Variants in SMARCC2 observed in about 807,000 individuals in gnomAD.
SMARCC2 encodes the protein SWI/SNF related BAF chromatin remodeling complex subunit C2, also known as SWI/SNF complex subunit SMARCC2.
Under a neutral mutation model 151.3 loss-of-function variants are expected in SMARCC2, and 15 were observed. The ratio of observed to expected loss-of-function variants is 0.10; its 90% CI spans 0.07 to 0.15. The LOEUF is 0.15. Ranked by LOEUF, SMARCC2 falls within the 10% of genes least tolerant of loss-of-function variation. SMARCC2 has a pLI of 1.00. For missense variants in SMARCC2, 1,031 were observed against 1,599.7 expected, an observed-to-expected ratio of 0.64 and a Z score of 6.06; for synonymous variants, 590 against 609.5, an observed-to-expected ratio of 0.97 and a Z score of 0.47.
At chr12:56,188,056 C>T (rs1245035148) in intron 1 of SMARCC2, among the ~76,000 whole-genome samples, 1 of 152,138 alleles carries the variant, frequency 6.6e-6, no homozygotes, top group East Asian at 1.9e-4. Context: ...GTTTTCTCCC[C>T]ACTCATCACA....
intron 11 of SMARCC2, among the ~76,000 whole-genome samples, chr12:56,180,657 G>C (rs1876024729): frequency 6.6e-6 from 1 of 151,946 alleles, no homozygotes; most frequent in Non-Finnish European, 1.5e-5. Context: ...GCCCGCCTCG[G>C]CCTCCCAAAA....
Position 56,169,796 on chromosome 12 carries a change from T to C in SMARCC2, c.2528A>G (p.Lys843Arg). ...KEGDSEKESE[K>R]SDGDPIVDPE... ...CTCACCTATTGGGTCTCCATCACTCTTCTCGGACTCCTTCTCACTGTCGCC... is the reference window on the plus strand; with the variant it reads ...CTCACCTATTGGGTCTCCATCACTCCTCTCGGACTCCTTCTCACTGTCGCC... The change falls in exon 24 of 29, where the codon AAG becomes AGG. Residue 843 changes from lysine to arginine, a missense_variant. Physicochemically the swap from Lys to Arg is conservative, Grantham distance 26 (BLOSUM62 2). This residue lies in a region of SMARCC2 where 119 missense variants were observed against 184.2 expected (regional missense o/e 0.65). Coordinates refer to ENST00000550164, the MANE Select transcript of SMARCC2 (RefSeq NM_001330288.2). 6.2e-7 allele frequency: 1 copy of C among 1,614,172 alleles called. No individual in the cohort carries two copies. The highest frequency in any genetic ancestry group is 8.5e-7 in the Non-Finnish European group (1 of 1,180,012).
chr12:56,170,618 G>A (rs558702829), intron 22 of SMARCC2, among the ~76,000 whole-genome samples: 2 of 151,652 alleles, frequency 1.3e-5, no homozygotes, highest in African/African-American at 4.8e-5. Flanking sequence ...TTGTAGAGAC[G>A]GGATTTTGCC....
At chr12:56,188,265 G>A (rs902670734) in intron 1 of SMARCC2, among the ~76,000 whole-genome samples, 1 of 152,186 alleles carries the variant, frequency 6.6e-6, no homozygotes, top group Non-Finnish European at 1.5e-5. Context: ...TCTCACAGGC[G>A]TAGAGACATG....
chr12:56,184,874 C>T lies in SMARCC2; in HGVS notation c.462G>A (p.Gly154=), dbSNP rs1413994688. The change falls in exon 5 of 29, where the codon GGG becomes GGA. Residue 154 remains glycine (G), a synonymous_variant. Transcript: ENST00000550164. ...LCPEIEPKLL[G]KLKDIIKRHQ... is the part of the protein sequence containing the mutation. ...GTCTCTTGATAATGTCCTTTAATTTCCCTAGTAGTTTGGGCTCAATTTCTG... is the reference window on the plus strand; with the variant it reads ...GTCTCTTGATAATGTCCTTTAATTTTCCTAGTAGTTTGGGCTCAATTTCTG... The T allele has an allele frequency of 6.2e-7, 1 of 1,612,102 alleles. No homozygotes were observed. The highest frequency in any genetic ancestry group is 2.2e-5 in the East Asian group (1 of 44,880).
chr12:56,164,173 T>G (rs1340472361), intron 28 of SMARCC2, 130 bp downstream of exon 28: 2 of 849,432 alleles, frequency 2.4e-6, no homozygotes, highest in Non-Finnish European at 3.6e-6. Flanking sequence ...TCCTGTATTC[T>G]AATTTTACCA....
chr12:56,187,035 C>T (rs1296551166), intron 2 of SMARCC2, 152 bp downstream of exon 2: 1 of 669,360 alleles, frequency 1.5e-6, no homozygotes, highest in Non-Finnish European at 2.4e-6. Context: ...CTAGGCCAAG[C>T]CAATAATGCC....
rs1872631725 is a variant in SMARCC2, at chr12:56,165,583, C to T, written c.2967G>A (p.Gln989=). The T allele has an allele frequency of 6.2e-7, 1 of 1,613,716 alleles. No individual in the cohort carries two copies. Among genetic ancestry groups the T allele is most frequent in the Non-Finnish European group, 8.5e-7 (1 of 1,180,016 alleles). ...QQHFQQMHQQ[Q]QQPPPALPPG... ...GGGGCAGGGCTGGTGGTGGCTGCTG[C>T]TGCTGTTGGTGCATCTGTTGGAAGT... The change falls in exon 27 of 29, where the codon CAG becomes CAA. Residue 989 remains glutamine, a synonymous_variant. Coordinates refer to ENST00000550164, the MANE Select transcript of SMARCC2 (RefSeq NM_001330288.2).
At position 56,170,147 on chromosome 12, in the gene SMARCC2, G is replaced by A. The variant is rs1485427315; in HGVS notation, c.2409C>T (p.Pro803=). 5 of 1,612,472 alleles carry A rather than the reference G, an allele frequency of 3.1e-6. No individual in the cohort carries two copies. In the South Asian group the frequency reaches 4.4e-5, roughly 14 times the overall value. Residue 803 remains proline (P), a synonymous_variant, in exon 23 of 29, where the codon CCC becomes CCT. Coordinates refer to ENST00000550164, the MANE Select transcript of SMARCC2 (RefSeq NM_001330288.2). ...GCTTCCAGAAATCCCTCTATACCTT[G>A]GGCTCCTTCTTCTCATCTGTGGCCT... is the stretch of plus-strand genomic sequence containing the variant. ...EGQATDEKKE[P]KEPREGGGAI...
chr12:56,184,400 C>CA, intron 5 of SMARCC2, 156 bp from the exon 6 acceptor site: 2 of 607,214 alleles, frequency 3.3e-6, no homozygotes, highest in South Asian at 4.2e-5. Flanking sequence ...CAGAGGGAAA[C>CA]AGCTGGGATT....
At position 56,172,591 on chromosome 12, in the gene SMARCC2, G is replaced by A. The variant is rs774917228; in HGVS notation, c.1857C>T (p.Pro619=). The change falls in exon 19 of 29, where the codon CCC becomes CCT. Residue 619 remains proline (P), a synonymous_variant. Coordinates refer to ENST00000550164, the MANE Select transcript of SMARCC2 (RefSeq NM_001330288.2). ...GTCGGCCCGCACCTCCTACCTTGGAGGGAACATTCTTTTTTGTGTACATGT... is the reference window on the plus strand; with the variant it reads ...GTCGGCCCGCACCTCCTACCTTGGAAGGAACATTCTTTTTTGTGTACATGT... The part of the protein sequence containing the change: ...RTDMYTKKNV[P]SKSKAAASAT... 6.2e-7 allele frequency: 1 copy of A among 1,614,228 alleles called. No individual in the cohort carries two copies. Among genetic ancestry groups the A allele is most frequent in the South Asian group, 1.1e-5 (1 of 91,076 alleles).
chr12:56,187,530 G>A (rs1318882044), intron 1 of SMARCC2, among the ~76,000 whole-genome samples: 1 of 152,178 alleles, frequency 6.6e-6, no homozygotes, highest in Non-Finnish European at 1.5e-5. Context: ...GTGTTGGGGG[G>A]AACAGGGAAG....
At position 56,168,053 on chromosome 12, in the gene SMARCC2, T is replaced by G. The variant is rs752050035; in HGVS notation, c.2850+7A>C. The stretch of plus-strand genomic sequence containing the variant: ...CGCAGCAGGGTTCCAGGGCTCCTGC[T>G]ACTCACTGCTTCTCGCTCCCGGTCC... On this transcript the variant is annotated splice_region_variant and intron_variant, in intron 26 of 28. Transcript: ENST00000550164. The G allele has an allele frequency of 4.7e-5, 76 of 1,612,198 alleles. No individual in the cohort carries two copies. The highest frequency in any genetic ancestry group is 6.2e-5 in the Non-Finnish European group (73 of 1,179,612).
chr12:56,178,691 A>C, intron 13 of SMARCC2, 119 bp downstream of exon 13: 1 of 1,372,842 alleles, frequency 7.3e-7, no homozygotes, highest in Non-Finnish European at 1.0e-6. Flanking sequence ...GTTTTGAACA[A>C]AGCTGGAATT....
At chr12:56,165,294 A>G (rs904185713) in intron 27 of SMARCC2, 24 bp downstream of exon 27, 10 of 1,469,436 alleles carry the variant, frequency 6.8e-6, no homozygotes, top group Non-Finnish European at 8.1e-6. Flanking sequence ...CTAGCCAACA[A>G]AAGTTCTGGA....
In SMARCC2 at chr12:56,178,603, A is replaced by G. The variant is rs1875495336; in HGVS notation, c.1180-69T>C. 2.5e-6 allele frequency: 4 copies of G among 1,606,130 alleles called. No individual in the cohort carries two copies. In the Admixed American group the frequency reaches 6.7e-5, roughly 27 times the overall value. On this transcript the variant is annotated intron_variant, in intron 13 of 28. Coordinates refer to ENST00000550164, the MANE Select transcript of SMARCC2 (RefSeq NM_001330288.2). Reference sequence around the variant, plus strand: ...TCCCTAGCAACCCTCTGCTTCTCCCACACCCCAGGAATGTGGACACTAAAG... The same window carrying G: ...TCCCTAGCAACCCTCTGCTTCTCCCGCACCCCAGGAATGTGGACACTAAAG...
chr12:56,181,626 C>T (rs1181589018), intron 9 of SMARCC2, 29 bp from the exon 10 acceptor site: 1 of 1,608,740 alleles, frequency 6.2e-7, no homozygotes, highest in South Asian at 1.1e-5. Context: ...GGACAAATGT[C>T]AGCCTACAAT....
intron 5 of SMARCC2, 36 bp from the exon 6 acceptor site, chr12:56,184,280 C>T: frequency 2.7e-6 from 4 of 1,505,884 alleles, no homozygotes; most frequent in Non-Finnish European, 3.7e-6. Flanking sequence ...AAATTATGGT[C>T]CCCTCTGAAT....
intron 12 of SMARCC2, 63 bp from the exon 13 acceptor site, chr12:56,178,910 A>G: frequency 6.2e-7 from 1 of 1,601,190 alleles, no homozygotes; most frequent in Non-Finnish European, 8.6e-7. Context: ...GCCCTACCAA[A>G]AGCCCATCAG....
Sources: allele counts gnomAD v4.1 joint callset (sites outside exome capture counted in the v4.1 genomes callset), GRCh38; gene constraint gnomAD v4.1.1; regional missense constraint gnomAD v4.1.1; transcripts MANE v1.5; gene names NCBI Gene and HGNC (gene_info 2026-07-23, HGNC 2026-07-21).